Variants in MCF2L observed in about 807,000 individuals in gnomAD.
MCF2L encodes guanine nucleotide exchange factor DBS.
A neutral mutation model predicts 153.4 loss-of-function variants in MCF2L; 97 were observed. That is an observed-to-expected ratio of 0.63 (90% CI 0.54 to 0.75). The LOEUF (loss-of-function observed/expected upper bound fraction) is 0.75. Among genes scored for constraint, MCF2L ranks in the 30% least tolerant of loss-of-function variants. The pLI, the probability that MCF2L is intolerant of heterozygous loss-of-function variation, is 0.00. For synonymous variants in MCF2L, 659 were observed against 632.2 expected, an observed-to-expected ratio of 1.04 and a Z score of -0.64; for missense variants, 1,347 against 1,495.2, an observed-to-expected ratio of 0.90 and a Z score of 1.64.
intron 7 of MCF2L, 190 bp downstream of exon 7, chr13:113,065,275 G>A (rs1344739478): frequency 1.1e-5 from 7 of 626,334 alleles, no homozygotes; most frequent in African/African-American, 5.5e-5. Flanking sequence ...CCTCTCCGAC[G>A]AGAACGGAAT....
rs1451567607 is a variant in MCF2L at position 113,031,542 on chromosome 13, C to G, written c.278+6784C>G. 6.6e-6 allele frequency among the ~76,000 whole-genome samples: 1 copy of G among 151,648 alleles called. No homozygotes were observed. The highest frequency in any genetic ancestry group is 1.5e-5 in the Non-Finnish European group (1 of 67,938). On this transcript the variant is annotated intron_variant, in intron 3 of 29. Transcript: ENST00000535094. This position sits in a 1 kb window ranked among gnomAD's most constrained non-coding sequence, Gnocchi z 5.5. ...GCTGTGTTTTCTGTGAAGTGGGTGC[C>G]AAAGAGTTCATGAGCTGCCAGAATG...
chr13:112,912,291 G>T (rs1230302131), intron 2 of MCF2L, among the ~76,000 whole-genome samples: 1 of 152,012 alleles, frequency 6.6e-6, no homozygotes, highest in South Asian at 2.1e-4. Context: ...GCAGCCACAG[G>T]TCATTGTTGC....
At chr13:112,905,036 T>C (rs930794341) in intron 2 of MCF2L, among the ~76,000 whole-genome samples, 1 of 152,200 alleles carries the variant, frequency 6.6e-6, no homozygotes, top group Non-Finnish European at 1.5e-5. Flanking sequence ...CTTCAGAACT[T>C]TCTCATCTTC....
At chr13:112,977,849 G>A (rs531559577) in intron 1 of MCF2L, among the ~76,000 whole-genome samples, 2 of 152,344 alleles carry the variant, frequency 1.3e-5, no homozygotes, top group African/African-American at 2.4e-5. Flanking sequence ...GGCCCTTGGA[G>A]GCTCACCTTA....
At chr13:113,021,107 C>A (rs1399117446) in intron 2 of MCF2L, among the ~76,000 whole-genome samples, 1 of 151,998 alleles carries the variant, frequency 6.6e-6, no homozygotes, top group Non-Finnish European at 1.5e-5. Context: ...CATATACATA[C>A]CTACACATCC....
Position 112,938,638 on chromosome 13 carries a change from T to A in MCF2L, c.169+36267T>A, listed in dbSNP as rs866462167. 2.0e-5 allele frequency among the ~76,000 whole-genome samples: 3 copies of A among 152,098 alleles called. No homozygotes were observed. The South Asian group carries it at 6.2e-4, about 32-fold the overall frequency. ...TGTTTTTTAAACCAAAATGATCAATTTGAAAATTGAACACATTTTTGGCCT... is the reference window on the plus strand; with the variant it reads ...TGTTTTTTAAACCAAAATGATCAATATGAAAATTGAACACATTTTTGGCCT... On this transcript the variant is annotated intron_variant, in intron 2 of 29. Coordinates refer to the MCF2L transcript ENST00000375608.
chr13:113,086,376 G>T, intron 21 of MCF2L, 127 bp downstream of exon 21: 1 of 1,395,332 alleles, frequency 7.2e-7, no homozygotes, highest in South Asian at 1.3e-5. Context: ...CAGGAGGTCT[G>T]GGGTGGTCCC....
intron 2 of MCF2L, among the ~76,000 whole-genome samples, chr13:112,919,057 ATTCC>A: frequency 6.6e-6 from 1 of 152,066 alleles, no homozygotes; most frequent in South Asian, 2.1e-4. Context: ...CTCTCTTACT[ATTCC>A]TTCATTCTCT....
At chr13:112,952,418 T>C (rs58640823) in intron 2 of MCF2L, among the ~76,000 whole-genome samples, 1,989 of 152,256 alleles carry the variant, frequency 0.013, 52 homozygotes, top group African/African-American at 0.045. Flanking sequence ...ACTTGCTGCA[T>C]CACAGTTTCC....
At chr13:112,923,081 G>A (rs2081368453) in intron 2 of MCF2L, among the ~76,000 whole-genome samples, 1 of 152,088 alleles carries the variant, frequency 6.6e-6, no homozygotes, top group South Asian at 2.1e-4. Flanking sequence ...GGCAAGGGTA[G>A]CACAAAGAAT....
At chr13:113,006,142 T>G (rs1355053165) in intron 1 of MCF2L, among the ~76,000 whole-genome samples, 1 of 152,148 alleles carries the variant, frequency 6.6e-6, no homozygotes, top group Non-Finnish European at 1.5e-5. Flanking sequence ...CCCATCAGCC[T>G]GGAAACAGAC....
chr13:112,986,322 C>A (rs1188688795), intron 1 of MCF2L, among the ~76,000 whole-genome samples: 4 of 152,266 alleles, frequency 2.6e-5, no homozygotes, highest in African/African-American at 7.2e-5. Flanking sequence ...CATCCACTCT[C>A]TTCTGAACTC....
upstream of MCF2L, chr13:112,968,920 G>A: frequency 1.8e-6 from 1 of 557,228 alleles, no homozygotes; most frequent in East Asian, 3.5e-5. Context: ...GCGGTGACAC[G>A]AATTTCTAGG....
intron 1 of MCF2L, among the ~76,000 whole-genome samples, chr13:112,998,807 ACC>A (rs1045253906): frequency 6.6e-6 from 1 of 152,158 alleles, no homozygotes; most frequent in African/African-American, 2.4e-5. Context: ...CTGGACAGAA[ACC>A]AGCCTGAGGC....
At chr13:113,087,177 G>T in intron 21 of MCF2L, 58 bp from the exon 22 acceptor site, 1 of 1,449,318 alleles carries the variant, frequency 6.9e-7, no homozygotes, top group Non-Finnish European at 9.5e-7. Context: ...TCAGCGATGC[G>T]CGTCCATGGC....
intron 2 of MCF2L, among the ~76,000 whole-genome samples, chr13:112,946,986 C>T (rs1255979796): frequency 6.6e-6 from 1 of 152,162 alleles, no homozygotes; most frequent in Non-Finnish European, 1.5e-5. Context: ...CTCGTGCGTC[C>T]TAAACGCAGG....
chr13:112,917,913 C>A (rs567074939), intron 2 of MCF2L, among the ~76,000 whole-genome samples: 37 of 152,340 alleles, frequency 2.4e-4, no homozygotes, highest in African/African-American at 8.4e-4. Flanking sequence ...CGGCTTGCGT[C>A]CCCAGGTGAA....
chr13:113,092,779 T>G (rs2142108572), intron 26 of MCF2L, among the ~76,000 whole-genome samples: 1 of 152,242 alleles, frequency 6.6e-6, no homozygotes, highest in South Asian at 2.1e-4. Flanking sequence ...TGCGTTTTGC[T>G]GTTGGCCTCC....
At chr13:113,001,498 CG>C (rs1429327317) in intron 1 of MCF2L, 4 of 177,422 alleles carry the variant, frequency 2.3e-5, no homozygotes, top group South Asian at 1.8e-4. Context: ...GGGGCTGGCT[CG>C]GGGGACGGAT....
Sources: allele counts gnomAD v4.1 joint callset (sites outside exome capture counted in the v4.1 genomes callset), GRCh38; gene constraint gnomAD v4.1.1; non-coding constraint Gnocchi (gnomAD v3.1); transcripts MANE v1.5; gene names NCBI Gene and HGNC (gene_info 2026-07-23, HGNC 2026-07-21).